The following SCNN1D variants were observed in gnomAD, a reference collection of about 807,000 sequenced individuals.
SCNN1D encodes the protein epithelial sodium channel subunit delta.
SCNN1D carries 104 observed loss-of-function variants against 87.8 expected under a neutral mutation model. That is an observed-to-expected ratio of 1.18 (90% CI 1.01 to 1.39). SCNN1D has a LOEUF of 1.39. Among genes scored for constraint, SCNN1D ranks in the 40% most tolerant of loss-of-function variants. The pLI, the probability that SCNN1D is intolerant of heterozygous loss-of-function variation, is 0.00. For missense variants in SCNN1D, 1,324 were observed against 1,093.9 expected (o/e 1.21, Z -2.97); for synonymous variants, 628 against 481.2 (o/e 1.31, Z -3.99).
At position 1,290,676 on chromosome 1, in the gene SCNN1D, G is replaced by A. The variant is rs1413335351; in HGVS notation, c.1899G>A (p.Trp633Ter). The change falls in exon 15 of 18, where the codon TGG (tryptophan) becomes TGA (stop). Residue 633 changes from tryptophan to a stop codon, truncating the protein, a stop_gained. Coordinates refer to ENST00000379116, the MANE Select transcript of SCNN1D (RefSeq NM_001130413.4). LOFTEE classifies it high-confidence loss of function. The stretch of plus-strand genomic sequence containing the variant: ...AGCTCTCCACTGGGACCTCCAGGTG[G>A]CCTTCCGCCAAGTCAGCTGTGAGTC... ...AFKLSTGTSRWPSAKSAGWTL... is the reference protein window; with the variant it reads ...AFKLSTGTSR The A allele has an allele frequency of 6.2e-7, 1 of 1,612,612 alleles. No homozygotes were observed. The highest frequency in any genetic ancestry group is 2.2e-5 in the East Asian group (1 of 44,878).
chr1:1,290,624 C>A lies in SCNN1D; in HGVS notation c.1860-13C>A. 6.2e-7 allele frequency: 1 copy of A among 1,612,606 alleles called. No individual in the cohort carries two copies. The highest frequency in any genetic ancestry group is 8.5e-7 in the Non-Finnish European group (1 of 1,179,918). ...AGGTAGCGTGGCAGGTGACACCCGG[C>A]TGTCTCTTCCAGGGAGTCTGCATTC... On this transcript the variant is annotated splice_polypyrimidine_tract_variant and intron_variant, in intron 14 of 17. Coordinates refer to ENST00000379116, the MANE Select transcript of SCNN1D (RefSeq NM_001130413.4).
Position 1,285,926 on chromosome 1 carries a change from G to T in SCNN1D, c.559G>T (p.Ala187Ser), listed in dbSNP as rs1420351310. The change falls in exon 7 of 18, where the codon GCT (alanine) becomes TCT (serine). Residue 187 changes from alanine (A) to serine (S), a missense_variant and splice_region_variant. By Grantham distance (99) the Ala-to-Ser change is moderately conservative. Transcript: ENST00000379116. Reference protein sequence around the residue: ...QHNAACKQGQAAAQTPPRPGP... With the variant: ...QHNAACKQGQSAAQTPPRPGP... Reference sequence around the variant, plus strand: ...CCTGCTGAGGCCACTCTGCACACAGGCTGCAGCCCAGACGCCCCCCAGGCC... The same window carrying T: ...CCTGCTGAGGCCACTCTGCACACAGTCTGCAGCCCAGACGCCCCCCAGGCC... 6.5e-7 allele frequency: 1 copy of T among 1,544,210 alleles called. No homozygotes were observed. Among genetic ancestry groups the T allele is most frequent in the South Asian group, 1.2e-5 (1 of 82,122 alleles).
At chr1:1,282,770 T>G (rs1243299558) in intron 4 of SCNN1D, among the ~76,000 whole-genome samples, 2 of 151,066 alleles carry the variant, frequency 1.3e-5, no homozygotes, top group Non-Finnish European at 2.9e-5. Context: ...TTTTTTTTTT[T>G]GAGACGGAGT....
At chr1:1,281,374 G>A in intron 2 of SCNN1D, 37 bp from the exon 3 acceptor site, 1 of 1,530,648 alleles carries the variant, frequency 6.5e-7, no homozygotes, top group Non-Finnish European at 8.8e-7. Flanking sequence ...GGCCCAAAGG[G>A]AGCCAGGGAT....
Position 1,288,057 on chromosome 1 carries a change from G to T in SCNN1D, c.1662+20G>T, listed in dbSNP as rs1024391483. 10 of 1,502,784 alleles carry T rather than the reference G, an allele frequency of 6.7e-6. No homozygotes were observed. The highest frequency in any genetic ancestry group is 2.2e-4 in the Middle Eastern group (1 of 4,600). 93.1% of individuals were successfully genotyped at this position (1,502,784 alleles called of 1,614,324 possible). On this transcript the variant is annotated intron_variant, in intron 12 of 17. Coordinates refer to ENST00000379116, the MANE Select transcript of SCNN1D (RefSeq NM_001130413.4). ...AGGCAGGTGAGGCTGGGCTGGCAGG[G>T]GGTGCGGGGGCAGGTGAGGCTGGGC...
At chr1:1,286,738 C>T (rs762155895) in intron 7 of SCNN1D, 30 bp from the exon 8 acceptor site, 1 of 1,602,862 alleles carries the variant, frequency 6.2e-7, no homozygotes, top group Non-Finnish European at 8.5e-7. Flanking sequence ...CCCGGGCCGG[C>T]AACTCTGACT....
At chr1:1,288,496 C>T (rs1640682168) in intron 12 of SCNN1D, among the ~76,000 whole-genome samples, 4 of 123,104 alleles carry the variant, frequency 3.2e-5, no homozygotes, top group Admixed American at 2.5e-4. Context: ...TGCTCCGTCC[C>T]GTGTCTCTGC....
At position 1,291,892 on chromosome 1, in the gene SCNN1D, T is replaced by TG; in HGVS notation, c.*283dup. On this transcript the variant is annotated 3_prime_UTR_variant, in exon 18 of 18. Coordinates refer to ENST00000379116, the MANE Select transcript of SCNN1D (RefSeq NM_001130413.4). ...GATGTACCCATGCTCCGTGTGTCTG[T>TG]GTCTGCATGTCCACACGTCTGATGC... 2.9e-6 allele frequency: 1 copy of TG among 340,638 alleles called. No individual in the cohort carries two copies. Among genetic ancestry groups the TG allele is most frequent in the Non-Finnish European group, 5.4e-6 (1 of 186,374 alleles). 21.1% of individuals were successfully genotyped at this position (340,638 alleles called of 1,614,324 possible).
In SCNN1D at chr1:1,291,390, G is replaced by A. The variant is rs143429630; in HGVS notation, c.2189G>A (p.Arg730His). Residue 730 changes from arginine (R) to histidine (H), a missense_variant, in exon 18 of 18, where the codon CGC becomes CAC. Arg to His is a conservative substitution (Grantham distance 29). Coordinates refer to ENST00000379116, the MANE Select transcript of SCNN1D (RefSeq NM_001130413.4). ...CTGGTGCTAGGCGGCCGCCGGCTCCGCAGGGCGTGGTTCTCCTGGCCCAGA... is the reference window on the plus strand; with the variant it reads ...CTGGTGCTAGGCGGCCGCCGGCTCCACAGGGCGTGGTTCTCCTGGCCCAGA... ...LTLVLGGRRL[R>H]RAWFSWPRAS... The A allele has an allele frequency of 3.9e-4, 624 of 1,608,214 alleles. 1 individual carries two copies. The highest frequency in any genetic ancestry group is 8.9e-4 in the Admixed American group (53 of 59,482).
rs761082853 is a variant in SCNN1D at position 1,291,486 on chromosome 1, C to T, written c.2285C>T (p.Thr762Met). Residue 762 changes from threonine (T) to methionine (M), a missense_variant, in exon 18 of 18, where the codon ACG (threonine) becomes ATG (methionine). Coordinates refer to ENST00000379116, the MANE Select transcript of SCNN1D (RefSeq NM_001130413.4). ...CAGATGCCCCCGCCTGCAGGCGGCA[C>T]GTCAGATGACCCGGAGCCCAGCGGG... is the stretch of plus-strand genomic sequence containing the variant. ...ASQMPPPAGGTSDDPEPSGPH... is the reference protein window; with the variant it reads ...ASQMPPPAGGMSDDPEPSGPH... The T allele has an allele frequency of 3.0e-5, 48 of 1,609,194 alleles. No homozygotes were observed. The Admixed American group carries it at 6.2e-4, about 21-fold the overall frequency.
intron 5 of SCNN1D, among the ~76,000 whole-genome samples, chr1:1,284,403 C>T (rs895579522): frequency 2.0e-5 from 3 of 151,190 alleles, no homozygotes; most frequent in Non-Finnish European, 3.0e-5. Flanking sequence ...TGCCTGGCCC[C>T]GTGTGCCATC....
chr1:1,280,980 G>C, intron 1 of SCNN1D: 1 of 590,998 alleles, frequency 1.7e-6, no homozygotes, highest in Admixed American at 3.0e-5. Context: ...GGCCGAGGGG[G>C]CTCTGCCTGG....
At chr1:1,281,824 C>G in intron 3 of SCNN1D, 1 of 598,104 alleles carries the variant, frequency 1.7e-6, no homozygotes, top group Non-Finnish European at 3.0e-6. Flanking sequence ...GACCGGGCCC[C>G]ACTGGCCGGA....
At chr1:1,285,703 C>G in intron 6 of SCNN1D, 39 bp downstream of exon 6, 2 of 1,446,328 alleles carry the variant, frequency 1.4e-6, no homozygotes, top group East Asian at 2.5e-5. Flanking sequence ...TCCTGCTGCC[C>G]CAGCAGCCCA....
chr1:1,281,936 C>T (rs879593293), intron 3 of SCNN1D: 1 of 566,784 alleles, frequency 1.8e-6, no homozygotes, highest in Non-Finnish European at 3.1e-6. Context: ...GCCACAATCT[C>T]TGGCAAGCAC....
Position 1,287,675 on chromosome 1 carries a change from G to C in SCNN1D, c.1402G>C (p.Val468Leu). 1 of 1,611,816 alleles carries C rather than the reference G, an allele frequency of 6.2e-7. No individual in the cohort carries two copies. The highest frequency in any genetic ancestry group is 8.5e-7 in the Non-Finnish European group (1 of 1,179,522). The change falls in exon 11 of 18, where the codon GTC (valine) becomes CTC (leucine). Residue 468 changes from valine to leucine, a missense_variant and splice_region_variant. Val to Leu is a conservative substitution (Grantham distance 32). Transcript: ENST00000379116. Reference protein sequence around the residue: ...TAQRPGITHGVGLVLRVEQQP... With the variant: ...TAQRPGITHGLGLVLRVEQQP... Reference sequence around the variant, plus strand: ...CACACCAGCCCTTGGCCTCCCAGGAGTCGGCCTGGTCCTCAGGGTTGAGCA... The same window carrying C: ...CACACCAGCCCTTGGCCTCCCAGGACTCGGCCTGGTCCTCAGGGTTGAGCA...
intron 9 of SCNN1D, 31 bp from the exon 10 acceptor site, chr1:1,287,477 T>A (rs377052545): frequency 5.9e-6 from 9 of 1,513,596 alleles, no homozygotes; most frequent in Non-Finnish European, 8.0e-6. Context: ...GCAGCCGACA[T>A]TCAAGGTCTG....
chr1:1,284,081 T>G lies in SCNN1D; in HGVS notation c.455T>G (p.Leu152Arg). 1 of 905,744 alleles carries G rather than the reference T, an allele frequency of 1.1e-6. No individual in the cohort carries two copies. Among genetic ancestry groups the G allele is most frequent in the Non-Finnish European group, 1.3e-6 (1 of 751,686 alleles). The allele number at this position is 905,744 out of a possible 1,614,324, so 56.1% of individuals were successfully genotyped here. Reference protein sequence around the residue: ...GEWKQPHGGALTSRSPGPVAP... With the variant: ...GEWKQPHGGARTSRSPGPVAP... ...TGGAAGCAGCCACACGGGGGGGCTC[T>G]CACCTCCAGGTACCGTGGGGGGGGG... is the stretch of plus-strand genomic sequence containing the variant. The change falls in exon 5 of 18, where the codon CTC becomes CGC. Residue 152 changes from leucine (L) to arginine (R), a missense_variant. Physicochemically the swap from Leu to Arg is moderately radical, Grantham distance 102. Coordinates refer to ENST00000379116, the MANE Select transcript of SCNN1D (RefSeq NM_001130413.4).
chr1:1,289,579 T>TCC (rs1458579167), intron 12 of SCNN1D, among the ~76,000 whole-genome samples: 6 of 11,866 alleles, frequency 5.1e-4, no homozygotes, highest in Non-Finnish European at 4.7e-4. Context: ...CCCTGCTCCG[T>TCC]CCCGTGTCTC....
Sources: gnomAD v4.1 joint callset for allele counts (sites outside exome capture counted in the v4.1 genomes callset) on GRCh38, gnomAD v4.1.1 for gene constraint, MANE v1.5 for transcripts, NCBI Gene and HGNC (gene_info 2026-07-23, HGNC 2026-07-21) for gene names.